The following AKR7A3 variants were observed in gnomAD, a reference collection of about 807,000 sequenced individuals.
AKR7A3 encodes aldo-keto reductase family 7 member A3, also known as AFB1 aldehyde reductase 2.
In AKR7A3, 37 loss-of-function variants were observed where a neutral mutation model predicts 32.5. The ratio of observed to expected loss-of-function variants is 1.14; its 90% CI spans 0.88 to 1.50. The LOEUF is 1.50. Among genes scored for constraint, AKR7A3 ranks in the 40% most tolerant of loss-of-function variants. The pLI, the probability that AKR7A3 is intolerant of heterozygous loss-of-function variation, is 0.00. For missense variants in AKR7A3, 412 were observed against 453.2 expected, an observed-to-expected ratio of 0.91 and a Z score of 0.83; for synonymous variants, 177 against 188.4, an observed-to-expected ratio of 0.94 and a Z score of 0.50.
Position 19,286,284 on chromosome 1 carries a change from C to A in AKR7A3, c.303G>T (p.Arg101=). 1 of 1,613,934 alleles carries A rather than the reference C, an allele frequency of 6.2e-7. No individual in the cohort carries two copies. The highest frequency in any genetic ancestry group is 1.7e-5 in the Admixed American group (1 of 60,028). The change falls in exon 2 of 7, where the codon CGG becomes CGT. Residue 101 remains arginine (R), a synonymous_variant. Coordinates refer to ENST00000361640, the MANE Select transcript of AKR7A3 (RefSeq NM_012067.3). The stretch of plus-strand genomic sequence containing the variant: ...AGAGGTCCACTCGGGGACACTGCAG[C>A]CGCTTCAGTGACGTCTCCAGCTGGA... ...LRFQLETSLK[R]LQCPRVDLFY... is the part of the protein sequence containing the mutation.
At chr1:19,278,575 CAACAAA>C (rs987523485), downstream of AKR7A3, among the ~76,000 whole-genome samples, 41 of 151,086 alleles carry the variant, frequency 2.7e-4, no homozygotes, top group African/African-American at 1.5e-4. Context: ...AAGAAAAAAA[CAACAAA>C]AACAAAAACA....
chr1:19,282,121 C>CG (rs375351842), downstream of AKR7A3, among the ~76,000 whole-genome samples: 4 of 151,564 alleles, frequency 2.6e-5, 1 homozygote, highest in East Asian at 1.9e-4. Context: ...ATGACATTTG[C>CG]GGGGGGGTGG....
chr1:19,284,244 C>G (rs1206075043), intron 5 of AKR7A3, 119 bp from the exon 6 acceptor site: 8 of 1,391,234 alleles, frequency 5.8e-6, no homozygotes, highest in African/African-American at 4.4e-5. Context: ...GGTGTTCTCT[C>G]TAGCCATGGG....
downstream of AKR7A3, among the ~76,000 whole-genome samples, chr1:19,280,207 C>G (rs2093716706): frequency 3.3e-5 from 5 of 151,780 alleles, no homozygotes; most frequent in Admixed American, 3.3e-4. Context: ...AGGAACAATT[C>G]CCCAATCCAA....
intron 4 of AKR7A3, 87 bp downstream of exon 4, chr1:19,284,931 G>A: frequency 6.3e-7 from 1 of 1,599,372 alleles, no homozygotes; most frequent in East Asian, 2.2e-5. Flanking sequence ...GTCAAAGTTT[G>A]TCAAACCCTC....
chr1:19,278,103 C>T (rs1191543343), downstream of AKR7A3, among the ~76,000 whole-genome samples: 1 of 151,802 alleles, frequency 6.6e-6, no homozygotes, highest in Non-Finnish European at 1.5e-5. Context: ...TTACCTTATA[C>T]ATTTAGGTGG....
chr1:19,279,554 T>C (rs74707443), downstream of AKR7A3, among the ~76,000 whole-genome samples: 523 of 152,076 alleles, frequency 3.4e-3, 16 homozygotes, highest in African/African-American at 0.012. Flanking sequence ...CATCAGCATA[T>C]GAAGATTCCA....
downstream of AKR7A3, among the ~76,000 whole-genome samples, chr1:19,279,665 C>G (rs1273124558): frequency 6.6e-6 from 1 of 151,912 alleles, no homozygotes; most frequent in Admixed American, 6.5e-5. Context: ...TTATTTCCCT[C>G]ATGGGTAATG....
intron 1 of AKR7A3, among the ~76,000 whole-genome samples, chr1:19,288,044 G>C (rs912449974): frequency 6.6e-6 from 1 of 152,212 alleles, no homozygotes; most frequent in Non-Finnish European, 1.5e-5. Context: ...CAGATAGTGT[G>C]CTGGGTCCAA....
chr1:19,280,813 G>C (rs138464445), downstream of AKR7A3, among the ~76,000 whole-genome samples: 4,271 of 151,808 alleles, frequency 0.028, 74 homozygotes, highest in South Asian at 0.053. Context: ...CTCATGATCC[G>C]CCTGCCTCGG....
At chr1:19,280,821 C>T (rs1383991068), downstream of AKR7A3, among the ~76,000 whole-genome samples, 5 of 151,814 alleles carry the variant, frequency 3.3e-5, no homozygotes, top group African/African-American at 1.2e-4. Context: ...CCGCCTGCCT[C>T]GGCCTCCCAA....
downstream of AKR7A3, among the ~76,000 whole-genome samples, chr1:19,278,820 C>T (rs1026127418): frequency 1.4e-4 from 22 of 151,918 alleles, 1 homozygote; most frequent in African/African-American, 5.3e-4. Flanking sequence ...CTTTCTCTCT[C>T]TCAAACAGAT....
At chr1:19,278,981 A>G (rs1415986206), downstream of AKR7A3, among the ~76,000 whole-genome samples, 5 of 151,924 alleles carry the variant, frequency 3.3e-5, no homozygotes, top group Admixed American at 3.3e-4. Flanking sequence ...ATTTAGAAAC[A>G]TGGTTTGCTC....
the AKR7A3 span, among the ~76,000 whole-genome samples, chr1:19,275,281 C>T: frequency 1.3e-5 from 2 of 151,494 alleles, no homozygotes; most frequent in African/African-American, 2.4e-5. Context: ...TGGGGTGGCA[C>T]ATGCCCGTAA....
At chr1:19,287,570 G>C (rs2013249) in intron 1 of AKR7A3, among the ~76,000 whole-genome samples, 57,066 of 151,690 alleles carry the variant, frequency 0.38, 11,399 homozygotes, top group East Asian at 0.6. Flanking sequence ...CACTGCAAAT[G>C]GCATCAGACT....
chr1:19,285,228 C>T, intron 3 of AKR7A3, 114 bp from the exon 4 acceptor site: 3 of 993,790 alleles, frequency 3.0e-6, no homozygotes, highest in South Asian at 2.9e-5. Flanking sequence ...CTTTAACCGT[C>T]TGGGCGTATA....
chr1:19,275,326 G>A, the AKR7A3 span, among the ~76,000 whole-genome samples: 3 of 151,538 alleles, frequency 2.0e-5, no homozygotes, highest in South Asian at 4.2e-4. Context: ...CAGGAGAATC[G>A]CTGGAACCTT....
At chr1:19,286,989 GA>G (rs924221713) in intron 1 of AKR7A3, among the ~76,000 whole-genome samples, 5 of 151,052 alleles carry the variant, frequency 3.3e-5, no homozygotes, top group South Asian at 2.1e-4. Flanking sequence ...AAAAAGGAAA[GA>G]AAAAAAAATC....
chr1:19,282,657 G>A lies in AKR7A3; in HGVS notation c.*74C>T. On this transcript the variant is annotated 3_prime_UTR_variant, in exon 7 of 7. Coordinates refer to ENST00000361640, the MANE Select transcript of AKR7A3 (RefSeq NM_012067.3). ...CCATCCCTAAGAATTTACTGAGGCA[G>A]TTCTAAATTAAAGAAAATGTGAGTA... 6.2e-7 allele frequency: 1 copy of A among 1,607,992 alleles called. No homozygotes were observed. The highest frequency in any genetic ancestry group is 8.5e-7 in the Non-Finnish European group (1 of 1,176,682).
Sources: allele counts gnomAD v4.1 joint callset (sites outside exome capture counted in the v4.1 genomes callset), GRCh38; gene constraint gnomAD v4.1.1; transcripts MANE v1.5; gene names NCBI Gene and HGNC (gene_info 2026-07-23, HGNC 2026-07-21).